PHF7: variants seen among roughly 807,000 people sequenced by gnomAD.
The protein encoded by PHF7 is E3 ubiquitin-protein ligase PHF7.
Under a neutral mutation model 47.5 loss-of-function variants are expected in PHF7, and 24 were observed. The ratio of observed to expected loss-of-function variants is 0.51; its 90% confidence interval spans 0.37 to 0.71. The LOEUF is 0.71. Among genes scored for constraint, PHF7 ranks in the 30% least tolerant of loss-of-function variants. The probability of loss-of-function intolerance (pLI) is 0.00; values close to 1 mark genes in which losing one functional copy is unlikely to be tolerated. For missense variants in PHF7, 361 were observed against 456.8 expected, an observed-to-expected ratio of 0.79 and a Z score of 1.91; for synonymous variants, 156 against 153.8, an observed-to-expected ratio of 1.01 and a Z score of -0.11.
intron 4 of PHF7, among the ~76,000 whole-genome samples, chr3:52,416,833 A>C (rs914829042): frequency 7.0e-5 from 1 of 14,248 alleles, no homozygotes; most frequent in African/African-American, 8.7e-5. Context: ...ACTCCGTCTC[A>C]AAAAAAAAAA....
In PHF7 at chr3:52,414,585, C is replaced by G; in HGVS notation, c.184C>G (p.Leu62Val). 6.3e-7 allele frequency: 1 copy of G among 1,595,398 alleles called. No individual in the cohort carries two copies. Among genetic ancestry groups the G allele is most frequent in the Non-Finnish European group, 8.6e-7 (1 of 1,164,066 alleles). The change falls in exon 4 of 11, where the codon CTT becomes GTT. Residue 62 changes from leucine to valine, a missense_variant and splice_region_variant. Coordinates refer to ENST00000327906, the MANE Select transcript of PHF7 (RefSeq NM_016483.7). ...CAATATCAGCGTGCATTATTTCTGT[C>G]TTGTGAGTATGAGGCCTCCTTTGCT... ...KDNISVHYFC[L>V]ILSSKLPQRG...
At chr3:52,416,743 G>A (rs1305518810) in intron 4 of PHF7, among the ~76,000 whole-genome samples, 3 of 150,472 alleles carry the variant, frequency 2.0e-5, no homozygotes, top group Non-Finnish European at 4.4e-5. Context: ...TGAGGCAGGA[G>A]AATGGCGTGA....
intron 2 of PHF7, among the ~76,000 whole-genome samples, 168 bp from the exon 3 acceptor site, chr3:52,413,828 C>G (rs1258184632): frequency 1.3e-5 from 2 of 152,026 alleles, no homozygotes; most frequent in East Asian, 3.8e-4. Context: ...GAGCAAGACT[C>G]TGTCTCAAAA....
chr3:52,414,437 C>A, intron 3 of PHF7, 59 bp from the exon 4 acceptor site: 1 of 935,310 alleles, frequency 1.1e-6, no homozygotes, highest in Non-Finnish European at 1.8e-6. Context: ...ACATTCTCAC[C>A]CTTCTCTTCC....
chr3:52,420,124 T>G, intron 5 of PHF7, 187 bp from the exon 6 acceptor site: 1 of 798,982 alleles, frequency 1.3e-6, no homozygotes, highest in Non-Finnish European at 2.2e-6. Context: ...AGAAACATCT[T>G]GAGAAAATAG....
intron 3 of PHF7, among the ~76,000 whole-genome samples, 183 bp downstream of exon 3, chr3:52,414,231 C>G (rs1705552352): frequency 6.6e-6 from 1 of 152,086 alleles, no homozygotes; most frequent in Admixed American, 6.5e-5. Context: ...GTTCAAGAAA[C>G]AAGTTATTAA....
Position 52,420,986 on chromosome 3 carries a change from A to T in PHF7, c.497A>T (p.Asp166Val), listed in dbSNP as rs1177289923. The change falls in exon 7 of 11, where the codon GAC becomes GTC. Residue 166 changes from aspartate (D) to valine (V), a missense_variant. Coordinates refer to ENST00000327906, the MANE Select transcript of PHF7 (RefSeq NM_016483.7). Reference protein sequence around the residue: ...GEESCILCCEDLSQQSVENIQ... With the variant: ...GEESCILCCEVLSQQSVENIQ... ...GAAAGCTGCATCTTATGTTGTGAAGACTTATCCCAACAGAGTGTTGAGAAC... is the reference window on the plus strand; with the variant it reads ...GAAAGCTGCATCTTATGTTGTGAAGTCTTATCCCAACAGAGTGTTGAGAAC... The T allele has an allele frequency of 8.1e-6, 13 of 1,613,776 alleles. No individual in the cohort carries two copies. The highest frequency in any genetic ancestry group is 1.0e-5 in the Non-Finnish European group (12 of 1,179,788).
rs1038701171 is a variant in PHF7, at chr3:52,422,689, A to C, written c.798-71A>C. 4.7e-5 allele frequency: 73 copies of C among 1,562,774 alleles called. No homozygotes were observed. The African/African-American group carries it at 9.5e-4, about 20-fold the overall frequency. ...ATGTGCTGTAAAAAATGCCTGGCCC[A>C]TAGCAAACATCCAAGCATGGCAGTT... is the stretch of plus-strand genomic sequence containing the variant. On this transcript the variant is annotated intron_variant, in intron 9 of 10. Transcript: ENST00000327906.
chr3:52,422,246 A>C lies in PHF7; in HGVS notation c.705A>C (p.Pro235=), dbSNP rs772708093. The C allele has an allele frequency of 6.2e-7, 1 of 1,613,656 alleles. No homozygotes were observed. The stretch of plus-strand genomic sequence containing the variant: ...GAGATGCTGCCTGGGAACTCGAGCC[A>C]GGGGCTTTCTCAGACTTATATCAGC... ...PDRDAAWELE[P]GAFSDLYQRY... The change falls in exon 9 of 11, where the codon CCA becomes CCC. Residue 235 remains proline (P), a synonymous_variant. Transcript: ENST00000327906.
Position 52,411,224 on chromosome 3 carries a change from G to A in PHF7, c.-93G>A, listed in dbSNP as rs551522924. On this transcript the variant is annotated 5_prime_UTR_variant, in exon 1 of 11. Coordinates refer to ENST00000327906, the MANE Select transcript of PHF7 (RefSeq NM_016483.7). Reference sequence around the variant, plus strand: ...TACTCAAGGAACGTCTTGGCCCAGCGATGCAAAGAACTGAAGTTTCAAGGT... The same window carrying A: ...TACTCAAGGAACGTCTTGGCCCAGCAATGCAAAGAACTGAAGTTTCAAGGT... The A allele has an allele frequency of 6.6e-5, 10 of 152,230 alleles. No individual in the cohort carries two copies. Among genetic ancestry groups the A allele is most frequent in the Non-Finnish European group, 1.5e-5 (1 of 68,046 alleles). The allele number at this position is 152,230 out of a possible 1,614,324, so 9.4% of individuals were successfully genotyped here. A position where few individuals can be genotyped will look rare whatever the true frequency, so the allele number is the denominator to read the frequency against.
chr3:52,414,159 T>A, intron 3 of PHF7, 111 bp downstream of exon 3: 1 of 720,500 alleles, frequency 1.4e-6, no homozygotes. Context: ...CCCTACTTCC[T>A]TCCTAGATTC....
chr3:52,418,930 C>T (rs1705700219), intron 4 of PHF7, among the ~76,000 whole-genome samples: 1 of 151,882 alleles, frequency 6.6e-6, no homozygotes, highest in Admixed American at 6.6e-5. Context: ...GCCTCAGCCT[C>T]CCGAGTAGCT....
At chr3:52,420,238 T>C (rs188167809) in intron 5 of PHF7, 73 bp from the exon 6 acceptor site, 2 of 1,526,382 alleles carry the variant, frequency 1.3e-6, no homozygotes, top group African/African-American at 1.4e-5. Context: ...TTCCATTTAA[T>C]AGAAAGATGT....
chr3:52,418,779 G>A (rs1260469764), intron 4 of PHF7, among the ~76,000 whole-genome samples: 1 of 151,880 alleles, frequency 6.6e-6, no homozygotes, highest in East Asian at 1.9e-4. Flanking sequence ...TGTAAGATGA[G>A]CATCATAATA....
At chr3:52,420,079 C>T in intron 5 of PHF7, 145 bp downstream of exon 5, 1 of 731,922 alleles carries the variant, frequency 1.4e-6, no homozygotes, top group Non-Finnish European at 2.4e-6. Flanking sequence ...GTCCCATATT[C>T]CTCTGGGGTA....
At chr3:52,414,429 A>G (rs957023775) in intron 3 of PHF7, 67 bp from the exon 4 acceptor site, 2 of 904,914 alleles carry the variant, frequency 2.2e-6, no homozygotes, top group Non-Finnish European at 3.7e-6. Context: ...GAATGGTTAC[A>G]TTCTCACCCT....
intron 4 of PHF7, among the ~76,000 whole-genome samples, chr3:52,415,227 C>A (rs182173417): frequency 3.4e-4 from 52 of 152,144 alleles, no homozygotes; most frequent in African/African-American, 1.2e-3. Context: ...AACGGAGTCT[C>A]ACTCTCTTGC....
At chr3:52,422,638 T>G (rs1442507835) in intron 9 of PHF7, 122 bp from the exon 10 acceptor site, 3 of 1,037,910 alleles carry the variant, frequency 2.9e-6, no homozygotes, top group Non-Finnish European at 4.5e-6. Flanking sequence ...TCATCCTCTC[T>G]GAGCCATACA....
rs1277790035 is a variant in PHF7, at chr3:52,416,473, C to T, written c.186+1886C>T. Among the ~76,000 whole-genome samples the T allele has an allele frequency of 7.9e-5, 12 of 151,258 alleles. No homozygotes were observed. The East Asian group carries it at 1.4e-3, about 17-fold the overall frequency. On this transcript the variant is annotated intron_variant, in intron 4 of 10. Coordinates refer to ENST00000327906, the MANE Select transcript of PHF7 (RefSeq NM_016483.7). The stretch of plus-strand genomic sequence containing the variant: ...TGCTGGGATTACAGGCGTGAGCCAC[C>T]GCGCCTGGCCCGGCCCACATATTTT...
Sources: gnomAD v4.1 joint callset for allele counts (sites outside exome capture counted in the v4.1 genomes callset) on GRCh38, gnomAD v4.1.1 for gene constraint, MANE v1.5 for transcripts, NCBI Gene and HGNC (gene_info 2026-07-23, HGNC 2026-07-21) for gene names.